The following ZNF248 variants were observed in gnomAD, a reference collection of about 807,000 sequenced individuals.
ZNF248 encodes the protein zinc finger protein 248.
Under a neutral mutation model 44.3 loss-of-function variants are expected in ZNF248, and 20 were observed. The observed-to-expected ratio is 0.45, with a 90% CI of 0.32 to 0.66. ZNF248 has a LOEUF of 0.66. Ranked by LOEUF, ZNF248 falls within the 30% of genes least tolerant of loss-of-function variation. The pLI is 0.04. For synonymous variants in ZNF248, 224 were observed against 229.0 expected, an observed-to-expected ratio of 0.98 and a Z score of 0.20; for missense variants, 654 against 677.0, an observed-to-expected ratio of 0.97 and a Z score of 0.38.
Position 37,830,539 on chromosome 10 carries a change from T to A in ZNF248, c.*1076A>T, listed in dbSNP as rs1033833859. 4 of 985,300 alleles carry A rather than the reference T, an allele frequency of 4.1e-6. No homozygotes were observed. The highest frequency in any genetic ancestry group is 4.8e-6 in the Non-Finnish European group (4 of 829,904). The allele number at this position is 985,300 out of a possible 1,614,324, so 61.0% of individuals were successfully genotyped here. On this transcript the variant is annotated 3_prime_UTR_variant, in exon 6 of 6. Coordinates refer to ENST00000395867, the MANE Select transcript of ZNF248 (RefSeq NM_021045.3). ...GACGTGGTTCAGCTGTAAATGGCCATAGCCATTTATTTATGTCAGGAAATA... is the reference window on the plus strand; with the variant it reads ...GACGTGGTTCAGCTGTAAATGGCCAAAGCCATTTATTTATGTCAGGAAATA...
intron 6 of ZNF248, among the ~76,000 whole-genome samples, chr10:37,810,494 T>C (rs538263230): frequency 6.6e-6 from 1 of 152,278 alleles, no homozygotes; most frequent in South Asian, 2.1e-4. Flanking sequence ...AGTTGACCCA[T>C]GAACAACATG....
chr10:37,805,996 A>G (rs1240090486), intron 6 of ZNF248, among the ~76,000 whole-genome samples: 7 of 152,182 alleles, frequency 4.6e-5, no homozygotes, highest in Admixed American at 1.3e-4. Context: ...TCTCTTGCGT[A>G]TATTTCTAGG....
chr10:37,837,509 GC>G (rs1284472837), intron 5 of ZNF248, 107 bp downstream of exon 5: 31 of 861,208 alleles, frequency 3.6e-5, no homozygotes, highest in Middle Eastern at 6.6e-4. Flanking sequence ...AAGGTCTGGG[GC>G]TAAAAAGAGA....
downstream of ZNF248, among the ~76,000 whole-genome samples, chr10:37,773,275 T>C (rs2046341739): frequency 6.6e-6 from 1 of 152,082 alleles, no homozygotes; most frequent in African/African-American, 2.4e-5. Flanking sequence ...ATAATCTGTA[T>C]CAAGAATCAG....
chr10:37,827,490 T>C (rs938797517), downstream of ZNF248, among the ~76,000 whole-genome samples: 1 of 152,182 alleles, frequency 6.6e-6, no homozygotes, highest in Non-Finnish European at 1.5e-5. Flanking sequence ...TCTTCATAAG[T>C]GCTGTCTAGG....
At chr10:37,817,203 TGGGA>T (rs1209308658) in intron 6 of ZNF248, among the ~76,000 whole-genome samples, 2 of 152,138 alleles carry the variant, frequency 1.3e-5, no homozygotes, top group African/African-American at 4.8e-5. Flanking sequence ...CATATTGACC[TGGGA>T]GGAAGACGGG....
Position 37,837,966 on chromosome 10 carries a change from G to A in ZNF248, c.142+19C>T, listed in dbSNP as rs765823682. 1.4e-5 allele frequency: 22 copies of A among 1,610,420 alleles called. No homozygotes were observed. The Admixed American group carries it at 2.7e-4, about 20-fold the overall frequency. ...AAATGCATGCTATTGATAGCCATGT[G>A]CGGAAAAAAACTCCTTACCTACTGA... On this transcript the variant is annotated intron_variant, in intron 4 of 5. Coordinates refer to ENST00000395867, the MANE Select transcript of ZNF248 (RefSeq NM_021045.3).
intron 6 of ZNF248, among the ~76,000 whole-genome samples, chr10:37,809,427 G>T (rs770930403): frequency 6.6e-6 from 1 of 152,092 alleles, no homozygotes; most frequent in Middle Eastern, 3.4e-3. Flanking sequence ...ACAGGCACCC[G>T]CCACCATGCC....
At chr10:37,805,007 AGAAGATAT>A (rs1454489795) in intron 6 of ZNF248, among the ~76,000 whole-genome samples, 1 of 152,204 alleles carries the variant, frequency 6.6e-6, no homozygotes, top group Non-Finnish European at 1.5e-5. Flanking sequence ...CACTCCTAAA[AGAAGATAT>A]AGTTACTAAG....
At chr10:37,846,440 C>G (rs903257611) in intron 3 of ZNF248, among the ~76,000 whole-genome samples, 12 of 152,014 alleles carry the variant, frequency 7.9e-5, no homozygotes, top group African/African-American at 2.7e-4. Flanking sequence ...TCGAGACCGG[C>G]TTGGTCAACA....
At position 37,807,047 on chromosome 10, in the gene ZNF248, G is replaced by A. The variant is rs866176737; in HGVS notation, c.330+25978C>T. On this transcript the variant is annotated intron_variant, in intron 6 of 6. Transcript: ENST00000615949. Reference sequence around the variant, plus strand: ...TGCCCAAGCTGGAGTGCAGTGGCCCGGTCTCTGCTCACTGCAAACTCCGCC... The same window carrying A: ...TGCCCAAGCTGGAGTGCAGTGGCCCAGTCTCTGCTCACTGCAAACTCCGCC... Among the ~76,000 whole-genome samples the A allele has an allele frequency of 4.6e-5, 7 of 151,570 alleles. No homozygotes were observed. The South Asian group carries it at 8.3e-4, about 18-fold the overall frequency.
At chr10:37,849,528 C>CA (rs1028293339) in intron 3 of ZNF248, among the ~76,000 whole-genome samples, 5 of 150,442 alleles carry the variant, frequency 3.3e-5, no homozygotes, top group Non-Finnish European at 5.9e-5. Context: ...ACTAAAAATA[C>CA]AAAAAAAAAT....
At position 37,836,784 on chromosome 10, in the gene ZNF248, ACAC is replaced by A. The variant is rs1296074912; in HGVS notation, c.238+830_238+832del. The stretch of plus-strand genomic sequence containing the variant: ...CACACAGACATGTACACACACACAC[ACAC>A]ACACACACACACACACACGCATTTT... On this transcript the variant is annotated intron_variant, in intron 5 of 5. Transcript: ENST00000395867. Among the ~76,000 whole-genome samples the A allele has an allele frequency of 1.1e-4, 15 of 134,324 alleles. No homozygotes were observed. In the East Asian group the frequency reaches 2.7e-3, roughly 24 times the overall value. 88.1% of individuals were successfully genotyped at this position (134,324 alleles called of 152,430 possible). A position where few individuals can be genotyped will look rare whatever the true frequency, so the allele number is the denominator to read the frequency against.
the ZNF248 span, among the ~76,000 whole-genome samples, chr10:37,761,042 G>A: frequency 6.6e-6 from 1 of 152,166 alleles, no homozygotes; most frequent in Non-Finnish European, 1.5e-5. Context: ...TTCCTGGATT[G>A]TGCAACATCC....
At chr10:37,849,310 A>G (rs1473499083) in intron 3 of ZNF248, among the ~76,000 whole-genome samples, 1 of 146,336 alleles carries the variant, frequency 6.8e-6, no homozygotes, top group Non-Finnish European at 1.5e-5. Context: ...GTCTTTAAAG[A>G]AAAAAAAAAA....
chr10:37,817,995 A>G (rs1394888221), intron 6 of ZNF248, among the ~76,000 whole-genome samples: 1 of 151,974 alleles, frequency 6.6e-6, no homozygotes, highest in African/African-American at 2.4e-5. Flanking sequence ...GGCTCACTGC[A>G]AGCTCCGCCT....
intron 4 of ZNF248, 32 bp downstream of exon 4, chr10:37,837,953 T>C (rs765486034): frequency 6.2e-7 from 1 of 1,606,480 alleles, no homozygotes; most frequent in Admixed American, 1.7e-5. Flanking sequence ...ATGCATGCTA[T>C]TGATAGCCAT....
rs1331750957 is a variant in ZNF248 at position 37,847,384 on chromosome 10, T to C, written c.15+8912A>G. On this transcript the variant is annotated intron_variant, in intron 3 of 5. Transcript: ENST00000395867. ...AGTTATTTCTTATTTTAAAACACCA[T>C]CTCATTTTGGGAAACTTTAAAGTAC... Among the ~76,000 whole-genome samples, 4 of 152,244 alleles carry C rather than the reference T, an allele frequency of 2.6e-5. No homozygotes were observed. In the East Asian group the frequency reaches 7.7e-4, roughly 29 times the overall value.
chr10:37,815,154 C>T (rs1456209617), intron 6 of ZNF248, among the ~76,000 whole-genome samples: 3 of 151,992 alleles, frequency 2.0e-5, no homozygotes, highest in East Asian at 1.9e-4. Context: ...GCAACCTCTG[C>T]CTCCTGGGTT....
Sources: allele counts gnomAD v4.1 joint callset (sites outside exome capture counted in the v4.1 genomes callset), GRCh38; gene constraint gnomAD v4.1.1; transcripts MANE v1.5; gene names NCBI Gene and HGNC (gene_info 2026-07-23, HGNC 2026-07-21).